RYR3: variants seen among roughly 807,000 people sequenced by gnomAD.
RYR3 encodes the protein ryanodine receptor 3, also known as brain ryanodine receptor-calcium release channel.
Under a neutral mutation model 584.3 loss-of-function variants are expected in RYR3, and 207 were observed. The observed-to-expected ratio is 0.35, with a 90% CI of 0.32 to 0.40. The LOEUF is 0.40. Among genes scored for constraint, RYR3 ranks in the 10% least tolerant of loss-of-function variants. RYR3 has a pLI of 1.00. For missense variants in RYR3, 5,616 were observed against 6,089.2 expected (o/e 0.92, Z 2.59); for synonymous variants, 2,416 against 2,248.5 (o/e 1.07, Z -2.11).
Position 33,602,731 on chromosome 15 carries a change from GTCT to G in RYR3, c.1923-390_1923-388del, listed in dbSNP as rs1362145714. On this transcript the variant is annotated intron_variant, in intron 17 of 103. Transcript: ENST00000634891. The stretch of plus-strand genomic sequence containing the variant: ...TGTTGAGGGTCCTAAGCTTTTTCTA[GTCT>G]TTTTTTTTTTTTTTTTTTTTTTTTT... Among the ~76,000 whole-genome samples, 487 of 87,954 alleles carry G rather than the reference GTCT, an allele frequency of 5.5e-3. 8 individuals carry two copies. The highest frequency in any genetic ancestry group is 0.013 in the South Asian group (31 of 2,428). 57.7% of individuals were successfully genotyped at this position (87,954 alleles called of 152,430 possible).
At chr15:33,861,018 G>A in intron 101 of RYR3, 60 bp from the exon 102 acceptor site, 22 of 1,263,476 alleles carry the variant, frequency 1.7e-5, no homozygotes, top group East Asian at 5.1e-5. Context: ...AATCATGACA[G>A]TTTTCTCTCC....
intron 1 of RYR3, among the ~76,000 whole-genome samples, chr15:33,398,397 A>C (rs1337161659): frequency 6.6e-6 from 1 of 152,206 alleles, no homozygotes; most frequent in Non-Finnish European, 1.5e-5. Flanking sequence ...TAAACAGTGA[A>C]TTCTGAGTGG....
intron 76 of RYR3, 116 bp from the exon 77 acceptor site, chr15:33,819,640 C>T (rs1333399416): frequency 1.6e-6 from 1 of 620,338 alleles, no homozygotes; most frequent in East Asian, 5.5e-5. Context: ...CGTCATTGCA[C>T]TCCAGCCTAG....
intron 43 of RYR3, among the ~76,000 whole-genome samples, chr15:33,709,256 A>G (rs1175514957): frequency 6.6e-6 from 1 of 152,194 alleles, no homozygotes; most frequent in Non-Finnish European, 1.5e-5. Flanking sequence ...GGAGTAAGGC[A>G]GGGAGAGAGC....
chr15:33,372,390 G>A (rs2040402223), intron 1 of RYR3, among the ~76,000 whole-genome samples: 1 of 136,830 alleles, frequency 7.3e-6, no homozygotes, highest in African/African-American at 2.7e-5. Context: ...TTTTGGAGGT[G>A]GAGTCTCACT....
At chr15:33,407,290 G>A (rs1184797444) in intron 1 of RYR3, among the ~76,000 whole-genome samples, 1 of 152,226 alleles carries the variant, frequency 6.6e-6, no homozygotes, top group Non-Finnish European at 1.5e-5. Flanking sequence ...CTATAGTAGA[G>A]GGTGACGAAG....
At chr15:33,518,706 G>A (rs2053733035) in intron 3 of RYR3, among the ~76,000 whole-genome samples, 1 of 152,116 alleles carries the variant, frequency 6.6e-6, no homozygotes, top group South Asian at 2.1e-4. Flanking sequence ...GAGTTTTTTT[G>A]TTTAACTTTT....
chr15:33,416,173 A>G (rs979925902), intron 1 of RYR3, among the ~76,000 whole-genome samples: 1 of 152,158 alleles, frequency 6.6e-6, no homozygotes, highest in Non-Finnish European at 1.5e-5. Flanking sequence ...TAATGAGTGC[A>G]TGTGTCTTTT....
chr15:33,528,264 C>A (rs1278767629), intron 3 of RYR3, among the ~76,000 whole-genome samples: 1 of 152,160 alleles, frequency 6.6e-6, no homozygotes, highest in African/African-American at 2.4e-5. Context: ...TCTGGCCACC[C>A]CTCACCTACA....
chr15:33,755,930 T>C (rs2071775495), intron 58 of RYR3, among the ~76,000 whole-genome samples: 2 of 152,052 alleles, frequency 1.3e-5, no homozygotes, highest in African/African-American at 4.8e-5. Flanking sequence ...CCACCACGCC[T>C]GCCTGGCTAA....
At chr15:33,669,542 G>A in intron 37 of RYR3, 86 bp downstream of exon 37, 6 of 1,156,974 alleles carry the variant, frequency 5.2e-6, no homozygotes, top group Admixed American at 1.9e-5. Context: ...GTGGGAGGTT[G>A]GGAAGTTATT....
At chr15:33,563,223 C>A (rs921508500) in intron 11 of RYR3, among the ~76,000 whole-genome samples, 1 of 152,188 alleles carries the variant, frequency 6.6e-6, no homozygotes, top group East Asian at 1.9e-4. Flanking sequence ...AAAACAAATA[C>A]ACAGCAAATC....
At chr15:33,332,580 G>T (rs1970489847) in intron 1 of RYR3, among the ~76,000 whole-genome samples, 1 of 151,912 alleles carries the variant, frequency 6.6e-6, no homozygotes, top group Non-Finnish European at 1.5e-5. Flanking sequence ...TAGGCAATCA[G>T]TATCATATAA....
In RYR3 at chr15:33,842,065, G is replaced by A. The variant is rs1338619525; in HGVS notation, c.13209+30G>A. 5 of 1,582,064 alleles carry A rather than the reference G, an allele frequency of 3.2e-6. No homozygotes were observed. The South Asian group carries it at 4.6e-5, about 15-fold the overall frequency. ...GCATTCCAACCTTGGCCCTGTTCATGGTGCAGGGATTGGCCCAGGCAGATG... is the reference window on the plus strand; with the variant it reads ...GCATTCCAACCTTGGCCCTGTTCATAGTGCAGGGATTGGCCCAGGCAGATG... On this transcript the variant is annotated intron_variant, in intron 91 of 103. Transcript: ENST00000634891.
At chr15:33,802,627 C>A (rs62016672) in intron 69 of RYR3, among the ~76,000 whole-genome samples, 55,210 of 151,958 alleles carry the variant, frequency 0.36, 10,404 homozygotes, top group South Asian at 0.48. Context: ...CGGCTCTGCA[C>A]GCTGAGGCTT....
intron 1 of RYR3, among the ~76,000 whole-genome samples, chr15:33,446,906 C>CCTTGCTCTGTTGCCT (rs2046714068): frequency 6.6e-6 from 1 of 152,212 alleles, no homozygotes; most frequent in South Asian, 2.1e-4. Context: ...GCCTTCACCA[C>CCTTGCTCTGTTGCCT]CTTGCTCTGT....
intron 12 of RYR3, among the ~76,000 whole-genome samples, chr15:33,576,155 C>T (rs2058292146): frequency 6.6e-6 from 1 of 152,088 alleles, no homozygotes; most frequent in African/African-American, 2.4e-5. Flanking sequence ...ACAGGATGGA[C>T]TTAACAGCTG....
chr15:33,437,920 G>T (rs865822833), intron 1 of RYR3, among the ~76,000 whole-genome samples: 1 of 151,944 alleles, frequency 6.6e-6, no homozygotes, highest in East Asian at 1.9e-4. Context: ...ACAGTGTCTT[G>T]CCATGTTGCC....
At chr15:33,821,736 T>C in intron 80 of RYR3, 134 bp downstream of exon 80, 1 of 759,868 alleles carries the variant, frequency 1.3e-6, no homozygotes, top group East Asian at 2.7e-5. Context: ...TTGTCCTTAG[T>C]GGCCAGTTAT....
Sources: allele counts gnomAD v4.1 joint callset (sites outside exome capture counted in the v4.1 genomes callset), GRCh38; gene constraint gnomAD v4.1.1; transcripts MANE v1.5; gene names NCBI Gene and HGNC (gene_info 2026-07-23, HGNC 2026-07-21).